FBXO4: variants seen among roughly 807,000 people sequenced by gnomAD.
FBXO4 encodes the protein F-box protein 4.
A neutral mutation model predicts 43.7 loss-of-function variants in FBXO4; 36 were observed. That is an observed-to-expected ratio of 0.82 (90% CI 0.63 to 1.09). FBXO4 has a LOEUF of 1.09. Ranked by LOEUF, FBXO4 falls within the 50% of genes least tolerant of loss-of-function variation. The pLI, the probability that FBXO4 is intolerant of heterozygous loss-of-function variation, is 0.00. For synonymous variants in FBXO4, 180 were observed against 165.6 expected, an observed-to-expected ratio of 1.09 and a Z score of -0.67; for missense variants, 435 against 474.1, an observed-to-expected ratio of 0.92 and a Z score of 0.77.
At chr5:41,970,480 G>A in the FBXO4 span, among the ~76,000 whole-genome samples, 1 of 151,712 alleles carries the variant, frequency 6.6e-6, no homozygotes, top group African/African-American at 2.4e-5. Context: ...AATTTTACAG[G>A]CCCAAATGAT....
At chr5:41,965,127 T>A in the FBXO4 span, among the ~76,000 whole-genome samples, 1 of 152,212 alleles carries the variant, frequency 6.6e-6, no homozygotes, top group South Asian at 2.1e-4. Flanking sequence ...CCAGCACCAT[T>A]TATGAAATAG....
chr5:42,004,213 C>T, the FBXO4 span, among the ~76,000 whole-genome samples: 6 of 152,308 alleles, frequency 3.9e-5, no homozygotes, highest in South Asian at 1.2e-3. Context: ...GTCCCATACA[C>T]ATACTTCTGC....
At chr5:41,946,621 A>T (rs1393729509), downstream of FBXO4, among the ~76,000 whole-genome samples, 1 of 152,208 alleles carries the variant, frequency 6.6e-6, no homozygotes, top group African/African-American at 2.4e-5. Flanking sequence ...ATGCCAAGTG[A>T]TATCTAAAAA....
chr5:41,943,759 T>C (rs1752038252), downstream of FBXO4, among the ~76,000 whole-genome samples: 1 of 152,182 alleles, frequency 6.6e-6, no homozygotes, highest in Non-Finnish European at 1.5e-5. Flanking sequence ...ATGGACTGAA[T>C]TTTGTTTCCC....
At chr5:41,932,836 G>A (rs765048340) in intron 3 of FBXO4, among the ~76,000 whole-genome samples, 1 of 152,192 alleles carries the variant, frequency 6.6e-6, no homozygotes, top group Non-Finnish European at 1.5e-5. Context: ...TAGAGCCATG[G>A]AAGCCCAGAA....
At chr5:41,945,035 T>C (rs1752057058), downstream of FBXO4, among the ~76,000 whole-genome samples, 1 of 152,238 alleles carries the variant, frequency 6.6e-6, no homozygotes, top group African/African-American at 2.4e-5. Context: ...TATTAAATGT[T>C]CTAGCCTAAT....
At chr5:41,952,853 G>T in the FBXO4 span, among the ~76,000 whole-genome samples, 2 of 151,844 alleles carry the variant, frequency 1.3e-5, no homozygotes, top group South Asian at 2.1e-4. Context: ...GTATTTTTGA[G>T]TTCTAAAATT....
chr5:41,987,450 T>C, the FBXO4 span, among the ~76,000 whole-genome samples: 1 of 152,228 alleles, frequency 6.6e-6, no homozygotes, highest in South Asian at 2.1e-4. Flanking sequence ...GTTCTCAAAT[T>C]TCTAAGTTCA....
the FBXO4 span, among the ~76,000 whole-genome samples, chr5:42,016,572 A>G: frequency 6.6e-6 from 1 of 152,036 alleles, no homozygotes. Context: ...AATTTTAAAT[A>G]AACAATTTTT....
the FBXO4 span, among the ~76,000 whole-genome samples, chr5:41,949,775 G>T: frequency 6.6e-6 from 1 of 152,122 alleles, no homozygotes; most frequent in Non-Finnish European, 1.5e-5. Flanking sequence ...CAAGCAAAAA[G>T]AACAAAGCTG....
chr5:41,944,567 TAA>T (rs1752050170), downstream of FBXO4, among the ~76,000 whole-genome samples: 1 of 152,170 alleles, frequency 6.6e-6, no homozygotes, highest in Non-Finnish European at 1.5e-5. Context: ...TATTCCTAAA[TAA>T]GTCAGATAAA....
chr5:41,934,572 C>T (rs184735051), intron 5 of FBXO4: 1 of 1,330,496 alleles, frequency 7.5e-7, no homozygotes, highest in Non-Finnish European at 9.7e-7. Context: ...CAGATTTGGG[C>T]ATCTGTTTTT....
chr5:41,927,347 C>T (rs1055051944), intron 2 of FBXO4, 99 bp downstream of exon 2: 18 of 897,120 alleles, frequency 2.0e-5, no homozygotes, highest in East Asian at 2.6e-5. Context: ...TGATTTGTTG[C>T]GTGGATTTGG....
the FBXO4 span, among the ~76,000 whole-genome samples, chr5:41,976,127 A>G: frequency 2.0e-5 from 3 of 152,150 alleles, no homozygotes; most frequent in African/African-American, 7.2e-5. Context: ...ATTTGTTTCT[A>G]TGATCCAAAC....
the FBXO4 span, among the ~76,000 whole-genome samples, chr5:41,947,508 A>G: frequency 6.6e-6 from 1 of 152,220 alleles, no homozygotes; most frequent in Non-Finnish European, 1.5e-5. Context: ...GGAAGCCAAG[A>G]GTGTATTTTG....
chr5:41,969,779 T>C, the FBXO4 span, among the ~76,000 whole-genome samples: 1 of 152,110 alleles, frequency 6.6e-6, no homozygotes, highest in Non-Finnish European at 1.5e-5. Flanking sequence ...TGCAATATAT[T>C]ACTTGCTGAT....
the FBXO4 span, among the ~76,000 whole-genome samples, chr5:41,991,970 C>T: frequency 6.6e-6 from 1 of 151,982 alleles, no homozygotes; most frequent in African/African-American, 2.4e-5. Context: ...CCCAGCTACT[C>T]GGGAGGCTGA....
the FBXO4 span, among the ~76,000 whole-genome samples, chr5:41,988,072 A>G: frequency 3.9e-5 from 6 of 152,206 alleles, no homozygotes; most frequent in Admixed American, 3.9e-4. Flanking sequence ...TGTAATAGGT[A>G]AAATGAACTG....
At chr5:41,999,497 A>ATATATG in the FBXO4 span, among the ~76,000 whole-genome samples, 1 of 97,880 alleles carries the variant, frequency 1.0e-5, no homozygotes, top group African/African-American at 5.5e-5. Context: ...ATATATACAT[A>ATATATG]TATATATGTG....
Sources: allele counts gnomAD v4.1 joint callset (sites outside exome capture counted in the v4.1 genomes callset), GRCh38; gene constraint gnomAD v4.1.1; transcripts MANE v1.5; gene names NCBI Gene and HGNC (gene_info 2026-07-23, HGNC 2026-07-21).